The following ZNF528 variants were observed in gnomAD, a reference collection of about 807,000 sequenced individuals.
ZNF528 encodes zinc finger protein 528.
In ZNF528, 9 loss-of-function variants were observed where a neutral mutation model predicts 13.3. That is an observed-to-expected ratio of 0.67 (90% CI 0.41 to 1.18). The LOEUF is 1.18. Among genes scored for constraint, ZNF528 ranks in the 50% most tolerant of loss-of-function variants. The pLI is 0.01. For synonymous variants in ZNF528, 264 were observed against 254.3 expected, an observed-to-expected ratio of 1.04 and a Z score of -0.36; for missense variants, 858 against 745.4, an observed-to-expected ratio of 1.15 and a Z score of -1.76.
At chr19:52,402,585 T>C (rs1251013918) in intron 4 of ZNF528, 1 of 153,180 alleles carries the variant, frequency 6.5e-6, no homozygotes, top group African/African-American at 2.4e-5. Flanking sequence ...GTGTTTCTAG[T>C]AGAGATGGGG....
intron 2 of ZNF528, among the ~76,000 whole-genome samples, chr19:52,399,703 AG>A (rs1278445378): frequency 6.6e-6 from 1 of 152,168 alleles, no homozygotes; most frequent in Non-Finnish European, 1.5e-5. Flanking sequence ...CTAGGGTGTG[AG>A]TGTATAAGTT....
intron 1 of ZNF528, 36 bp downstream of exon 1, chr19:52,397,940 G>C (rs913162915): frequency 7.2e-5 from 11 of 152,252 alleles, no homozygotes; most frequent in African/African-American, 2.4e-4. Flanking sequence ...GTCTAGGCTA[G>C]CCAGTTCTTC....
rs1349045337 is a variant in ZNF528, at chr19:52,401,542, T to C, written c.-136-143T>C. On this transcript the variant is annotated intron_variant, in intron 2 of 6. Coordinates refer to ENST00000360465, the MANE Select transcript of ZNF528 (RefSeq NM_032423.3). ...CATCTCCTGCCTCTGTTCTTCCCGC[T>C]CCCTCTACTGCAACTACACAGCCCC... 1.7e-5 allele frequency: 10 copies of C among 592,960 alleles called. No homozygotes were observed. In the African/African-American group the frequency reaches 2.0e-4, roughly 12 times the overall value. 36.7% of individuals were successfully genotyped at this position (592,960 alleles called of 1,614,324 possible). A position where few individuals can be genotyped will look rare whatever the true frequency, so the allele number is the denominator to read the frequency against.
intron 6 of ZNF528, among the ~76,000 whole-genome samples, chr19:52,410,590 T>A (rs1163772046): frequency 6.6e-6 from 1 of 152,226 alleles, no homozygotes; most frequent in Non-Finnish European, 1.5e-5. Context: ...GTCATGTCTC[T>A]CAGGCCATCG....
chr19:52,401,571 T>C, intron 2 of ZNF528, 114 bp from the exon 3 acceptor site: 5 of 911,108 alleles, frequency 5.5e-6, no homozygotes, highest in Non-Finnish European at 7.4e-6. Flanking sequence ...CAGCCCCCTT[T>C]CCTTTTCTGA....
intron 6 of ZNF528, among the ~76,000 whole-genome samples, chr19:52,410,731 G>T (rs938563922): frequency 4.6e-5 from 7 of 152,176 alleles, no homozygotes; most frequent in African/African-American, 1.4e-4. Context: ...TGTGGCTGTA[G>T]CCGGGAGGCA....
intron 6 of ZNF528, among the ~76,000 whole-genome samples, chr19:52,408,016 A>G (rs1255740795): frequency 6.6e-6 from 1 of 151,886 alleles, no homozygotes; most frequent in African/African-American, 2.4e-5. Context: ...CACCTGGCCC[A>G]AAACATTCTA....
Position 52,416,050 on chromosome 19 carries a change from CAG to C in ZNF528, c.1202_1203del (p.Arg401AsnfsTer4), listed in dbSNP as rs761164760. 10 of 1,613,934 alleles carry C rather than the reference CAG, an allele frequency of 6.2e-6. No homozygotes were observed. The Admixed American group carries it at 1.7e-4, about 27-fold the overall frequency. On this transcript the variant is annotated frameshift_variant, in exon 7 of 7. Transcript: ENST00000360465. LOFTEE classifies it low-confidence loss of function (END_TRUNC). Reference protein sequence around the residue: ...FGRKCFLTSHQRIHTRERPYG... With the variant: ...FGRKCFLTSHXRIHTRERPYG... Reference sequence around the variant, plus strand: ...GCGCAAGTGTTTCCTGACCTCTCATCAGAGAATTCATACTAGAGAGAGACCTT... The same window carrying C: ...GCGCAAGTGTTTCCTGACCTCTCATCAGAATTCATACTAGAGAGAGACCTT...
chr19:52,416,284 T>C lies in ZNF528; in HGVS notation c.1432T>C (p.Ser478Pro), dbSNP rs774124783. The change falls in exon 7 of 7, where the codon TCT becomes CCT. Residue 478 changes from serine to proline, a missense_variant. Physicochemically the swap from Ser to Pro is moderately conservative, Grantham distance 74. Coordinates refer to ENST00000360465, the MANE Select transcript of ZNF528 (RefSeq NM_032423.3). Reference protein sequence around the residue: ...KECGKVFRYKSSLTSHHRIHT... With the variant: ...KECGKVFRYKPSLTSHHRIHT... Reference sequence around the variant, plus strand: ...ATGTGGCAAAGTCTTCAGGTACAAGTCTTCTCTAACCAGTCATCATAGAAT... The same window carrying C: ...ATGTGGCAAAGTCTTCAGGTACAAGCCTTCTCTAACCAGTCATCATAGAAT... 2.5e-6 allele frequency: 4 copies of C among 1,614,048 alleles called. No homozygotes were observed. In the South Asian group the frequency reaches 3.3e-5, roughly 13 times the overall value.
intron 6 of ZNF528, 102 bp downstream of exon 6, chr19:52,406,745 C>A: frequency 7.1e-7 from 1 of 1,414,928 alleles, no homozygotes; most frequent in Non-Finnish European, 9.4e-7. Context: ...AATCATAGCT[C>A]ACTGCAGCCT....
In ZNF528 at chr19:52,415,880, A is replaced by G. The variant is rs748670706; in HGVS notation, c.1028A>G (p.His343Arg). The change falls in exon 7 of 7, where the codon CAT becomes CGT. Residue 343 changes from histidine to arginine, a missense_variant. Physicochemically the swap from His to Arg is conservative, Grantham distance 29. Transcript: ENST00000360465. ...VFSRHSYLAE[H>R]QTVHTGEKPY... is the part of the protein sequence containing the mutation. ...AGTCGCCATTCATATCTAGCAGAAC[A>G]TCAAACGGTTCATACTGGTGAGAAA... 1 of 1,614,078 alleles carries G rather than the reference A, an allele frequency of 6.2e-7. No individual in the cohort carries two copies. The highest frequency in any genetic ancestry group is 2.2e-5 in the East Asian group (1 of 44,876).
Position 52,401,673 on chromosome 19 carries a change from T to C in ZNF528, c.-136-12T>C, listed in dbSNP as rs1449872476. On this transcript the variant is annotated splice_polypyrimidine_tract_variant and intron_variant, in intron 2 of 6. Transcript: ENST00000360465. ...CACATGAAGAATTGCTTTTTTTTTT[T>C]TTTTTTTTTAGGTTCACAAATTTTA... 29 of 1,279,518 alleles carry C rather than the reference T, an allele frequency of 2.3e-5. No homozygotes were observed. The highest frequency in any genetic ancestry group is 2.8e-5 in the Non-Finnish European group (28 of 993,066). 79.3% of individuals were successfully genotyped at this position (1,279,518 alleles called of 1,614,324 possible).
At chr19:52,410,047 C>T (rs1358856350) in intron 6 of ZNF528, among the ~76,000 whole-genome samples, 1 of 152,118 alleles carries the variant, frequency 6.6e-6, no homozygotes, top group Non-Finnish European at 1.5e-5. Context: ...AGTTATCCAT[C>T]CCCCCTTGGT....
chr19:52,416,219 T>C lies in ZNF528; in HGVS notation c.1367T>C (p.Phe456Ser). Reference sequence around the variant, plus strand: ...GAGTTTTCAGACCTTACTGCCCATTTTCTAATCCATAGTGGAGAGAAACCT... The same window carrying C: ...GAGTTTTCAGACCTTACTGCCCATTCTCTAATCCATAGTGGAGAGAAACCT... ...FREFSDLTAH[F>S]LIHSGEKPYE... The change falls in exon 7 of 7, where the codon TTT (phenylalanine) becomes TCT (serine). Residue 456 changes from phenylalanine (F) to serine (S), a missense_variant. Phe to Ser is a radical substitution (Grantham distance 155). Transcript: ENST00000360465. The C allele has an allele frequency of 1.2e-6, 2 of 1,613,398 alleles. No homozygotes were observed. Among genetic ancestry groups the C allele is most frequent in the South Asian group, 2.2e-5 (2 of 91,022 alleles).
chr19:52,416,374 C>G lies in ZNF528; in HGVS notation c.1522C>G (p.Leu508Val). The change falls in exon 7 of 7, where the codon CTG becomes GTG. Residue 508 changes from leucine to valine, a missense_variant. Transcript: ENST00000360465. Reference sequence around the variant, plus strand: ...CAAGGTCTTCAGTCGCAGTTCAAACCTGGTATGCCATCAGAAAATTCATAC... The same window carrying G: ...CAAGGTCTTCAGTCGCAGTTCAAACGTGGTATGCCATCAGAAAATTCATAC... ...CGKVFSRSSN[L>V]VCHQKIHTGE... The G allele has an allele frequency of 6.2e-7, 1 of 1,614,064 alleles. No homozygotes were observed. Among genetic ancestry groups the G allele is most frequent in the Non-Finnish European group, 8.5e-7 (1 of 1,179,936 alleles).
rs763490941 is a variant in ZNF528, at chr19:52,416,306, G to T, written c.1454G>T (p.Arg485Ile). The change falls in exon 7 of 7, where the codon AGA becomes ATA. Residue 485 changes from arginine (R) to isoleucine (I), a missense_variant. Arg to Ile is a moderately conservative substitution (Grantham distance 97, BLOSUM62 -3). Transcript: ENST00000360465. ...RYKSSLTSHH[R>I]IHTGEKPYKC... Reference sequence around the variant, plus strand: ...AAGTCTTCTCTAACCAGTCATCATAGAATTCATACTGGAGAGAAGCCTTAC... The same window carrying T: ...AAGTCTTCTCTAACCAGTCATCATATAATTCATACTGGAGAGAAGCCTTAC... 1 of 1,613,996 alleles carries T rather than the reference G, an allele frequency of 6.2e-7. No homozygotes were observed. Among genetic ancestry groups the T allele is most frequent in the Admixed American group, 1.7e-5 (1 of 60,004 alleles).
In ZNF528 at chr19:52,415,714, C is replaced by CA. The variant is rs2058992670; in HGVS notation, c.865dup (p.Arg289LysfsTer13). On this transcript the variant is annotated frameshift_variant, in exon 7 of 7. Coordinates refer to ENST00000360465, the MANE Select transcript of ZNF528 (RefSeq NM_032423.3). LOFTEE classifies it low-confidence loss of function (END_TRUNC). Reference sequence around the variant, plus strand: ...AAGCAGTTCAAAGCTTGCACAACATCAAAGAATTCATACTGGAGAGAAGCC... The same window carrying CA: ...AAGCAGTTCAAAGCTTGCACAACATCAAAAGAATTCATACTGGAGAGAAGCC... 9 of 1,614,160 alleles carry CA rather than the reference C, an allele frequency of 5.6e-6. No individual in the cohort carries two copies. The highest frequency in any genetic ancestry group is 7.6e-6 in the Non-Finnish European group (9 of 1,180,022).
rs761918456 is a variant in ZNF528, at chr19:52,415,266, C to T, written c.414C>T (p.Pro138=). Residue 138 remains proline, a synonymous_variant, in exon 7 of 7, where the codon CCC becomes CCT. Coordinates refer to ENST00000360465, the MANE Select transcript of ZNF528 (RefSeq NM_032423.3). ...KISGCKHFEK[P]VSDNSSVSPL... Reference sequence around the variant, plus strand: ...CTGGGTGTAAGCATTTTGAAAAACCCGTCAGTGACAATTCCTCAGTTTCAC... The same window carrying T: ...CTGGGTGTAAGCATTTTGAAAAACCTGTCAGTGACAATTCCTCAGTTTCAC... The T allele has an allele frequency of 8.1e-6, 13 of 1,613,854 alleles. No homozygotes were observed. The highest frequency in any genetic ancestry group is 3.3e-5 in the Admixed American group (2 of 59,988).
chr19:52,406,096 T>C (rs2058852586), intron 5 of ZNF528, 63 bp downstream of exon 5: 10 of 1,547,736 alleles, frequency 6.5e-6, no homozygotes, highest in African/African-American at 1.4e-5. Context: ...TTGTGTCTTA[T>C]ATGCCTCTTG....
Sources: allele counts gnomAD v4.1 joint callset (sites outside exome capture counted in the v4.1 genomes callset), GRCh38; gene constraint gnomAD v4.1.1; transcripts MANE v1.5; gene names NCBI Gene and HGNC (gene_info 2026-07-23, HGNC 2026-07-21).